LMX1A: variants seen among roughly 807,000 people sequenced by gnomAD.
The protein encoded by LMX1A is LIM homeobox transcription factor 1 alpha.
Under a neutral mutation model 49.1 loss-of-function variants are expected in LMX1A, and 15 were observed. The ratio of observed to expected loss-of-function variants is 0.31; its 90% CI spans 0.20 to 0.47. LMX1A has a LOEUF of 0.47. Ranked by LOEUF, LMX1A falls within the 20% of genes least tolerant of loss-of-function variation. The probability of loss-of-function intolerance (pLI) is 1.00; values close to 1 mark genes in which losing one functional copy is unlikely to be tolerated. For synonymous variants in LMX1A, 167 were observed against 185.7 expected (o/e 0.90, Z 0.82); for missense variants, 372 against 475.8 (o/e 0.78, Z 2.03).
intron 3 of LMX1A, among the ~76,000 whole-genome samples, chr1:165,253,754 G>A (rs1434452560): frequency 6.6e-6 from 1 of 152,186 alleles, no homozygotes; most frequent in Non-Finnish European, 1.5e-5. Flanking sequence ...GAAATTGGGG[G>A]ATAGTCCAAG....
At chr1:165,266,990 T>C (rs1653647217) in intron 3 of LMX1A, among the ~76,000 whole-genome samples, 1 of 152,078 alleles carries the variant, frequency 6.6e-6, no homozygotes, top group Non-Finnish European at 1.5e-5. Context: ...TTTTCCTTCC[T>C]TCCTTCTTTC....
intron 3 of LMX1A, among the ~76,000 whole-genome samples, chr1:165,344,365 G>A (rs1207008814): frequency 6.6e-6 from 1 of 152,220 alleles, no homozygotes. Context: ...CACAATGTGA[G>A]GAGGAGCAAG....
Position 165,203,746 on chromosome 1 carries a change from A to G in LMX1A, c.*134T>C, listed in dbSNP as rs1650945365. The G allele has an allele frequency of 1.5e-6, 1 of 686,352 alleles. No individual in the cohort carries two copies. The highest frequency in any genetic ancestry group is 1.9e-5 in the South Asian group (1 of 53,400). The allele number at this position is 686,352 out of a possible 1,614,324, so 42.5% of individuals were successfully genotyped here. On this transcript the variant is annotated 3_prime_UTR_variant, in exon 9 of 9. Coordinates refer to ENST00000342310, the MANE Select transcript of LMX1A (RefSeq NM_177398.4). ...AAATGCTGAGCTACACCATATCATTATACAACAGCATCCCCAACAAAACTC... is the reference window on the plus strand; with the variant it reads ...AAATGCTGAGCTACACCATATCATTGTACAACAGCATCCCCAACAAAACTC...
At chr1:165,320,344 T>A (rs1655349181) in intron 3 of LMX1A, among the ~76,000 whole-genome samples, 1 of 152,182 alleles carries the variant, frequency 6.6e-6, no homozygotes, top group Non-Finnish European at 1.5e-5. Context: ...TTTGCTGAGG[T>A]CTCGAGCCCA....
intron 4 of LMX1A, among the ~76,000 whole-genome samples, chr1:165,247,176 A>G (rs1652891784): frequency 6.7e-6 from 1 of 149,342 alleles, no homozygotes; most frequent in Non-Finnish European, 1.5e-5. Flanking sequence ...CCAACTGTAT[A>G]ACTTAGTGAT....
Position 165,356,547 on chromosome 1 carries a change from G to C in LMX1A, c.-215C>G, listed in dbSNP as rs552934937. The stretch of plus-strand genomic sequence containing the variant: ...CTCCTCGGCGCGCCCAGGCTGGGCC[G>C]GGACGTGGTCGCGAGCTGCCGGCCT... On this transcript the variant is annotated 5_prime_UTR_variant, in exon 1 of 9. Transcript: ENST00000342310. 1.3e-5 allele frequency: 2 copies of C among 152,186 alleles called. No individual in the cohort carries two copies. Among genetic ancestry groups the C allele is most frequent in the Non-Finnish European group, 2.9e-5 (2 of 68,026 alleles). The allele number at this position is 152,186 out of a possible 1,614,324, so 9.4% of individuals were successfully genotyped here.
intron 3 of LMX1A, among the ~76,000 whole-genome samples, chr1:165,321,934 A>G (rs1655398872): frequency 2.0e-5 from 3 of 152,186 alleles, no homozygotes; most frequent in African/African-American, 7.2e-5. Flanking sequence ...CAAATCATAT[A>G]TAAGAGTCTA....
Position 165,353,058 on chromosome 1 carries a change from G to A in LMX1A, c.263+18C>T, listed in dbSNP as rs1289288335. 6.2e-7 allele frequency: 1 copy of A among 1,612,682 alleles called. No homozygotes were observed. Among genetic ancestry groups the A allele is most frequent in the Non-Finnish European group, 8.5e-7 (1 of 1,179,122 alleles). ...GATGCCAGTGCGCGGGGAGCGCTGC[G>A]GGGGTGCGGCCACTTACTTCTCGTA... On this transcript the variant is annotated intron_variant, in intron 3 of 8. Coordinates refer to ENST00000342310, the MANE Select transcript of LMX1A (RefSeq NM_177398.4).
intron 3 of LMX1A, among the ~76,000 whole-genome samples, chr1:165,330,450 A>C (rs539448698): frequency 6.6e-6 from 1 of 152,354 alleles, no homozygotes; most frequent in Admixed American, 6.5e-5. Flanking sequence ...CAGCCTAGGC[A>C]GAACAGAAAG....
chr1:165,243,657 C>T (rs980627731), intron 4 of LMX1A, among the ~76,000 whole-genome samples: 1 of 152,120 alleles, frequency 6.6e-6, no homozygotes, highest in African/African-American at 2.4e-5. Flanking sequence ...AGGGTTGCCC[C>T]ATGTAGAGGA....
chr1:165,323,075 G>A (rs1170980137), intron 3 of LMX1A, among the ~76,000 whole-genome samples: 1 of 152,034 alleles, frequency 6.6e-6, no homozygotes, highest in Admixed American at 6.6e-5. Context: ...AGAATCAAAA[G>A]GGCCAGAATG....
At chr1:165,353,298 CG>C in intron 2 of LMX1A, 36 bp from the exon 3 acceptor site, 1 of 1,583,716 alleles carries the variant, frequency 6.3e-7, no homozygotes, top group Non-Finnish European at 8.6e-7. Context: ...GTGAGCAGCC[CG>C]GGCAGGTAGA....
chr1:165,247,679 T>G (rs2102635865), intron 4 of LMX1A, among the ~76,000 whole-genome samples: 1 of 152,324 alleles, frequency 6.6e-6, no homozygotes, highest in African/African-American at 2.4e-5. Flanking sequence ...ATGCTAACAC[T>G]GACTAGTGGA....
intron 4 of LMX1A, among the ~76,000 whole-genome samples, chr1:165,225,217 C>T (rs1020809951): frequency 3.3e-5 from 5 of 152,164 alleles, no homozygotes; most frequent in South Asian, 2.1e-4. Flanking sequence ...GACTGGGCGG[C>T]TTCCCAGCTG....
intron 3 of LMX1A, among the ~76,000 whole-genome samples, chr1:165,257,440 T>TAAA (rs35281158): frequency 6.7e-6 from 1 of 149,544 alleles, no homozygotes; most frequent in Admixed American, 6.6e-5. Context: ...AGGCAGGAGT[T>TAAA]AAAAAAAAAA....
At chr1:165,255,094 C>T (rs1013886733) in intron 3 of LMX1A, among the ~76,000 whole-genome samples, 1 of 152,166 alleles carries the variant, frequency 6.6e-6, no homozygotes, top group South Asian at 2.1e-4. Flanking sequence ...ATAAGGCTGT[C>T]CCTCTCCTTA....
intron 3 of LMX1A, among the ~76,000 whole-genome samples, chr1:165,291,443 T>C (rs1372608685): frequency 6.6e-6 from 1 of 152,170 alleles, no homozygotes; most frequent in East Asian, 1.9e-4. Flanking sequence ...TTTGGGCCCA[T>C]CATTTTACCT....
rs370226701 is a variant in LMX1A, at chr1:165,205,980, G to T, written c.872C>A (p.Thr291Lys). Residue 291 changes from threonine (T) to lysine (K), a missense_variant, in exon 8 of 9, where the codon ACG becomes AAG. Around this residue, in one of 3 missense-constraint regions of LMX1A, gnomAD observed 127 missense variants for 138.0 expected, o/e 0.92. Transcript: ENST00000342310. Reference protein sequence around the residue: ...AGMEGIMNPYTALPTPQQLLA... With the variant: ...AGMEGIMNPYKALPTPQQLLA... ...GAGCTGCTGTGGGGTGGGCAGAGCC[G>T]TGTAGGGGTTCATGATTCCTTCCAT... 1 of 1,606,648 alleles carries T rather than the reference G, an allele frequency of 6.2e-7. No homozygotes were observed. The highest frequency in any genetic ancestry group is 8.5e-7 in the Non-Finnish European group (1 of 1,176,876).
chr1:165,203,880 T>G lies in LMX1A; in HGVS notation c.1149A>C (p.Ter383CysextTer4). The change falls in exon 9 of 9, where the codon TGA (stop) becomes TGC (cysteine). Residue 383 changes from the stop codon to cysteine (C), a stop_lost. Coordinates refer to ENST00000342310, the MANE Select transcript of LMX1A (RefSeq NM_177398.4). The stretch of plus-strand genomic sequence containing the variant: ...TAGTCACAGAACTCTAGGGGAAGAC[T>G]CAAGATGTGAAGTAAGAATTCTGCA... The part of the protein sequence containing the change: ...YSMQNSYFTS[*>C] The G allele has an allele frequency of 6.2e-7, 1 of 1,613,918 alleles. No individual in the cohort carries two copies. Among genetic ancestry groups the G allele is most frequent in the South Asian group, 1.1e-5 (1 of 91,056 alleles).
Sources: allele counts gnomAD v4.1 joint callset (sites outside exome capture counted in the v4.1 genomes callset), GRCh38; gene constraint gnomAD v4.1.1; regional missense constraint gnomAD v4.1.1; transcripts MANE v1.5; gene names NCBI Gene and HGNC (gene_info 2026-07-23, HGNC 2026-07-21).